CES5A: variants seen among roughly 807,000 people sequenced by gnomAD.
The protein encoded by CES5A is carboxylesterase 5A, also known as carboxylesterase 5.
A neutral mutation model predicts 62.9 loss-of-function variants in CES5A; 67 were observed. That is an observed-to-expected ratio of 1.07 (90% CI 0.88 to 1.31). The LOEUF is 1.31. CES5A is among the 50% of genes most tolerant of loss of function. The pLI, the probability that CES5A is intolerant of heterozygous loss-of-function variation, is 0.00. For synonymous variants in CES5A, 296 were observed against 280.8 expected, an observed-to-expected ratio of 1.05 and a Z score of -0.54; for missense variants, 748 against 708.5, an observed-to-expected ratio of 1.06 and a Z score of -0.63.
chr16:55,938,664 G>A (rs1349025026), intron 2 of CES5A, among the ~76,000 whole-genome samples: 2 of 141,444 alleles, frequency 1.4e-5, no homozygotes, highest in African/African-American at 2.6e-5. Context: ...GTGAACCCGG[G>A]GGCAGAGCTT....
chr16:55,882,464 C>T (rs1335652037), intron 1 of CES5A, among the ~76,000 whole-genome samples: 1 of 152,188 alleles, frequency 6.6e-6, no homozygotes, highest in African/African-American at 2.4e-5. Context: ...TCCACCTGCA[C>T]CTTCTCCTAT....
intron 1 of CES5A, among the ~76,000 whole-genome samples, chr16:55,955,135 G>C (rs747000773): frequency 7.2e-5 from 11 of 152,154 alleles, no homozygotes; most frequent in Non-Finnish European, 1.5e-4. Context: ...GCCCCAGGGA[G>C]AGCTCAGTGT....
intron 1 of CES5A, among the ~76,000 whole-genome samples, chr16:55,894,359 T>C (rs1236895374): frequency 2.0e-5 from 3 of 151,566 alleles, no homozygotes; most frequent in Non-Finnish European, 4.4e-5. Flanking sequence ...GTACAAAAAA[T>C]CAGCCAGGCG....
intron 3 of CES5A, among the ~76,000 whole-genome samples, chr16:55,870,147 T>C (rs1255374667): frequency 2.6e-5 from 4 of 152,160 alleles, no homozygotes; most frequent in Non-Finnish European, 5.9e-5. Flanking sequence ...TAAATACCAG[T>C]GAGCCTGTGA....
At chr16:55,848,164 G>A (rs977804217) in intron 11 of CES5A, among the ~76,000 whole-genome samples, 2 of 152,072 alleles carry the variant, frequency 1.3e-5, no homozygotes, top group African/African-American at 4.8e-5. Flanking sequence ...TGGAGTTTAG[G>A]GCCATGATCA....
At chr16:55,875,513 C>A (rs1347498219), upstream of CES5A, 10 of 582,936 alleles carry the variant, frequency 1.7e-5, no homozygotes, top group Non-Finnish European at 2.4e-5. Context: ...ACATTCCAGA[C>A]CAGGCAAGAC....
Position 55,856,411 on chromosome 16 carries a change from T to G in CES5A, c.1091A>C (p.Lys364Thr), listed in dbSNP as rs775336016. 6.8e-6 allele frequency: 11 copies of G among 1,613,970 alleles called. No individual in the cohort carries two copies. Among genetic ancestry groups the G allele is most frequent in the African/African-American group, 1.3e-5 (1 of 74,906 alleles). Residue 364 changes from lysine to threonine, a missense_variant, in exon 9 of 13, where the codon AAG becomes ACG. Coordinates refer to ENST00000290567, the MANE Select transcript of CES5A (RefSeq NM_001143685.2). ...TTGTATCAGATGGAGGGCAAGGGAC[T>G]TGTTGGAGCCACTGAGGATCTCAGG... ...EAPEILSGSNKSLALHLIQNI... is the reference protein window; with the variant it reads ...EAPEILSGSNTSLALHLIQNI...
intron 1 of CES5A, among the ~76,000 whole-genome samples, chr16:55,910,322 T>C (rs1323324844): frequency 2.6e-5 from 4 of 152,192 alleles, no homozygotes; most frequent in Admixed American, 2.6e-4. Context: ...CGCTATTCCA[T>C]GGTTCAGCAA....
Position 55,869,604 on chromosome 16 carries a change from G to T in CES5A, c.551+7C>A, listed in dbSNP as rs757740160. Reference sequence around the variant, plus strand: ...ATCTGGGATGTCCATCATTTGGAGAGACTCACGTGAAGAAACCAAATATTC... The same window carrying T: ...ATCTGGGATGTCCATCATTTGGAGATACTCACGTGAAGAAACCAAATATTC... On this transcript the variant is annotated splice_region_variant and intron_variant, in intron 4 of 12. Coordinates refer to ENST00000290567, the MANE Select transcript of CES5A (RefSeq NM_001143685.2). 1.7e-5 allele frequency: 28 copies of T among 1,613,174 alleles called. No individual in the cohort carries two copies. Among genetic ancestry groups the T allele is most frequent in the Non-Finnish European group, 2.3e-5 (27 of 1,179,630 alleles).
At chr16:55,872,743 T>A (rs1393848605) in intron 2 of CES5A, among the ~76,000 whole-genome samples, 1 of 152,148 alleles carries the variant, frequency 6.6e-6, no homozygotes, top group East Asian at 1.9e-4. Flanking sequence ...TGACCTCCCA[T>A]CAAAGCTAGT....
intron 1 of CES5A, among the ~76,000 whole-genome samples, chr16:55,909,048 G>T (rs1295084142): frequency 2.0e-5 from 3 of 152,222 alleles, no homozygotes; most frequent in Admixed American, 2.0e-4. Context: ...CTCCACACTT[G>T]TAGACATGAG....
chr16:55,851,644 C>G (rs1164683603), intron 10 of CES5A, among the ~76,000 whole-genome samples: 5 of 152,206 alleles, frequency 3.3e-5, no homozygotes, highest in Non-Finnish European at 5.9e-5. Flanking sequence ...AATTCTACCT[C>G]TGGCATATAC....
chr16:55,910,875 C>T (rs1217639237), intron 1 of CES5A, among the ~76,000 whole-genome samples: 1 of 148,690 alleles, frequency 6.7e-6, no homozygotes, highest in Non-Finnish European at 1.5e-5. Flanking sequence ...CTGCTCACAG[C>T]ATGTGGAAGA....
chr16:55,897,010 A>T (rs189571704), intron 1 of CES5A, among the ~76,000 whole-genome samples: 1 of 152,272 alleles, frequency 6.6e-6, no homozygotes. Flanking sequence ...TTTGGGAACC[A>T]CAGGAGTATT....
chr16:55,910,801 C>A (rs986638062), intron 1 of CES5A, among the ~76,000 whole-genome samples: 1 of 148,654 alleles, frequency 6.7e-6, no homozygotes, highest in East Asian at 2.4e-4. Context: ...CATTTCTGTA[C>A]CCTCTGGCCC....
At chr16:55,894,511 A>AAAAAAAAAG (rs1555484116) in intron 1 of CES5A, among the ~76,000 whole-genome samples, 1 of 150,728 alleles carries the variant, frequency 6.6e-6, no homozygotes, top group African/African-American at 2.4e-5. Context: ...AAAAAAAAAA[A>AAAAAAAAAG]AAAAGAAAAG....
intron 2 of CES5A, among the ~76,000 whole-genome samples, chr16:55,940,563 G>A (rs1463652562): frequency 6.6e-6 from 1 of 151,688 alleles, no homozygotes; most frequent in African/African-American, 2.4e-5. Context: ...GTCATTTCCA[G>A]GCCTGATACC....
intron 8 of CES5A, among the ~76,000 whole-genome samples, chr16:55,858,131 G>A (rs1337593244): frequency 1.3e-5 from 2 of 152,174 alleles, no homozygotes; most frequent in Non-Finnish European, 2.9e-5. Flanking sequence ...CCCAGGAGGT[G>A]GAGGTTGCAG....
chr16:55,946,379 T>TGGG (rs1567365759), intron 2 of CES5A, among the ~76,000 whole-genome samples: 5 of 152,148 alleles, frequency 3.3e-5, no homozygotes, highest in African/African-American at 1.2e-4. Context: ...GGAAAGAAGC[T>TGGG]GCAAGGCACA....
Sources: gnomAD v4.1 joint callset for allele counts (sites outside exome capture counted in the v4.1 genomes callset) on GRCh38, gnomAD v4.1.1 for gene constraint, MANE v1.5 for transcripts, NCBI Gene and HGNC (gene_info 2026-07-23, HGNC 2026-07-21) for gene names.